The following VPS37A variants were observed in gnomAD, a reference collection of about 807,000 sequenced individuals.
VPS37A encodes the protein vacuolar protein sorting-associated protein 37A.
Under a neutral mutation model 49.8 loss-of-function variants are expected in VPS37A, and 30 were observed. The ratio of observed to expected loss-of-function variants is 0.60; its 90% CI spans 0.45 to 0.82. VPS37A has a LOEUF of 0.82. Ranked by LOEUF, VPS37A falls within the 40% of genes least tolerant of loss-of-function variation. VPS37A has a pLI of 0.00. For synonymous variants in VPS37A, 195 were observed against 160.6 expected, an observed-to-expected ratio of 1.21 and a Z score of -1.62; for missense variants, 593 against 464.4, an observed-to-expected ratio of 1.28 and a Z score of -2.55.
At position 17,247,217 on chromosome 8, in the gene VPS37A, G is replaced by A. The variant is rs1040185552; in HGVS notation, c.-28G>A. The A allele has an allele frequency of 5.8e-6, 9 of 1,562,608 alleles. No individual in the cohort carries two copies. In the Admixed American group the frequency reaches 9.4e-5, roughly 16 times the overall value. ...GGGAGAAGCAGGCCAGAGCCTTCCAGGGCCTCCGGCCCGTGGACCCGAGGA... is the reference window on the plus strand; with the variant it reads ...GGGAGAAGCAGGCCAGAGCCTTCCAAGGCCTCCGGCCCGTGGACCCGAGGA... On this transcript the variant is annotated 5_prime_UTR_variant, in exon 1 of 12. Transcript: ENST00000324849.
intron 11 of VPS37A, among the ~76,000 whole-genome samples, chr8:17,289,932 T>G (rs1815983574): frequency 6.6e-6 from 1 of 152,200 alleles, no homozygotes. Context: ...CCTTGTAAGT[T>G]GGATTCCTAG....
intron 1 of VPS37A, among the ~76,000 whole-genome samples, chr8:17,249,545 CACTT>C (rs773427914): frequency 2.6e-5 from 4 of 152,172 alleles, no homozygotes; most frequent in Non-Finnish European, 4.4e-5. Flanking sequence ...ATTCCGGAGA[CACTT>C]AAGTAGGTCA....
chr8:17,327,646 A>C, the VPS37A span, among the ~76,000 whole-genome samples: 1 of 152,060 alleles, frequency 6.6e-6, no homozygotes, highest in Non-Finnish European at 1.5e-5. Flanking sequence ...CCTGGTAAAA[A>C]AAAAAACTAT....
chr8:17,265,767 C>G, intron 1 of VPS37A, 140 bp from the exon 2 acceptor site: 1 of 1,538,484 alleles, frequency 6.5e-7, no homozygotes, highest in Non-Finnish European at 8.8e-7. Context: ...TCCTTCCCCT[C>G]AAGATACAAG....
chr8:17,271,620 T>C (rs1301241229), intron 4 of VPS37A, among the ~76,000 whole-genome samples: 2 of 152,076 alleles, frequency 1.3e-5, no homozygotes, highest in Admixed American at 6.5e-5. Context: ...AAAAAAATGC[T>C]TATGATTTCT....
chr8:17,302,135 CAAAG>C, downstream of VPS37A: 1 of 1,613,812 alleles, frequency 6.2e-7, no homozygotes, highest in Non-Finnish European at 8.5e-7. Flanking sequence ...AATAGATTAA[CAAAG>C]CAAGTATGTC....
downstream of VPS37A, chr8:17,306,061 A>C: frequency 1.2e-6 from 1 of 864,590 alleles, no homozygotes; most frequent in Non-Finnish European, 1.7e-6. Flanking sequence ...TCCTAAATAA[A>C]TCTTATCTTA....
intron 9 of VPS37A, among the ~76,000 whole-genome samples, chr8:17,284,146 G>A (rs1045321558): frequency 6.6e-6 from 1 of 152,212 alleles, no homozygotes; most frequent in Non-Finnish European, 1.5e-5. Flanking sequence ...AATACCAGGA[G>A]GTGAGGTCAT....
the VPS37A span, among the ~76,000 whole-genome samples, chr8:17,330,779 C>T: frequency 6.6e-6 from 1 of 152,144 alleles, no homozygotes; most frequent in Admixed American, 6.5e-5. Context: ...AGTTTTTGAG[C>T]CTGATCTCCA....
chr8:17,292,193 C>T (rs1297455252), intron 11 of VPS37A, among the ~76,000 whole-genome samples: 4 of 152,124 alleles, frequency 2.6e-5, no homozygotes, highest in Non-Finnish European at 5.9e-5. Flanking sequence ...AGCTCTTCTT[C>T]CTACATTGAT....
the VPS37A span, among the ~76,000 whole-genome samples, chr8:17,308,381 T>C: frequency 1.3e-5 from 2 of 152,136 alleles, no homozygotes; most frequent in Non-Finnish European, 2.9e-5. Flanking sequence ...AATTTTCTCA[T>C]TGGTAAATGG....
chr8:17,276,883 T>G (rs1309225830), intron 6 of VPS37A, among the ~76,000 whole-genome samples: 2 of 152,122 alleles, frequency 1.3e-5, no homozygotes, highest in African/African-American at 4.8e-5. Context: ...TTTTTACAGA[T>G]CCAAACTTTT....
chr8:17,247,848 G>A (rs1168505946), intron 1 of VPS37A: 3 of 682,378 alleles, frequency 4.4e-6, no homozygotes, highest in Non-Finnish European at 8.0e-6. Flanking sequence ...AATGCTTCTC[G>A]TCTGAGAGTC....
intron 11 of VPS37A, among the ~76,000 whole-genome samples, chr8:17,287,323 AC>A (rs1329010927): frequency 7.9e-5 from 12 of 151,988 alleles, no homozygotes; most frequent in Admixed American, 7.2e-4. Flanking sequence ...CTCTTCTCAC[AC>A]CTTTTTTGAG....
intron 1 of VPS37A, among the ~76,000 whole-genome samples, chr8:17,258,882 T>G (rs1326904798): frequency 6.6e-6 from 1 of 152,110 alleles, no homozygotes; most frequent in African/African-American, 2.4e-5. Flanking sequence ...TTTTAGGCTT[T>G]CCAGTTTTTT....
the VPS37A span, among the ~76,000 whole-genome samples, chr8:17,323,947 G>C: frequency 1.3e-5 from 2 of 152,090 alleles, no homozygotes; most frequent in Non-Finnish European, 2.9e-5. Context: ...ATTAATCTTT[G>C]AACTGTCTCA....
intron 1 of VPS37A, among the ~76,000 whole-genome samples, chr8:17,259,555 A>G (rs1812786568): frequency 6.6e-6 from 1 of 152,272 alleles, no homozygotes; most frequent in South Asian, 2.1e-4. Flanking sequence ...GCAGCAATTG[A>G]GTGCAGTGTT....
At position 17,252,077 on chromosome 8, in the gene VPS37A, G is replaced by A. The variant is rs147969269; in HGVS notation, c.125+4708G>A. 2.8e-3 allele frequency among the ~76,000 whole-genome samples: 421 copies of A among 152,244 alleles called. 1 individual carries two copies. Among genetic ancestry groups the A allele is most frequent in the African/African-American group, 9.4e-3 (391 of 41,554 alleles). On this transcript the variant is annotated intron_variant, in intron 1 of 11. Coordinates refer to ENST00000324849, the MANE Select transcript of VPS37A (RefSeq NM_152415.3). ...GTAATGAAGGGATGTGTATGTCTGT[G>A]TTTCAACCCGTCGCATGTTATATAT...
the VPS37A span, among the ~76,000 whole-genome samples, chr8:17,326,165 G>GA: frequency 4.6e-5 from 7 of 152,168 alleles, no homozygotes; most frequent in African/African-American, 1.7e-4. Flanking sequence ...TCGAGAGGCA[G>GA]AAAAGCCTGG....
Sources: gnomAD v4.1 joint callset for allele counts (sites outside exome capture counted in the v4.1 genomes callset) on GRCh38, gnomAD v4.1.1 for gene constraint, MANE v1.5 for transcripts, NCBI Gene and HGNC (gene_info 2026-07-23, HGNC 2026-07-21) for gene names.